ERAP1: variants seen among roughly 807,000 people sequenced by gnomAD.
ERAP1 encodes the protein adipocyte-derived leucine aminopeptidase.
A neutral mutation model predicts 103.7 loss-of-function variants in ERAP1; 86 were observed. The observed-to-expected ratio is 0.83, with a 90% CI of 0.70 to 0.99. ERAP1 has a LOEUF of 0.99. ERAP1 is among the 50% of genes least tolerant of loss of function. The pLI, the probability that ERAP1 is intolerant of heterozygous loss-of-function variation, is 0.00. For missense variants in ERAP1, 1,009 were observed against 1,128.4 expected (o/e 0.89, Z 1.52); for synonymous variants, 398 against 402.4 (o/e 0.99, Z 0.13).
the ERAP1 span, chr5:96,913,342 A>C: frequency 6.2e-7 from 1 of 1,614,050 alleles, no homozygotes; most frequent in Middle Eastern, 1.6e-4. Flanking sequence ...AATGGAAGGA[A>C]AGGTTATCAA....
chr5:96,903,441 C>T, the ERAP1 span: 5 of 1,614,004 alleles, frequency 3.1e-6, no homozygotes, highest in South Asian at 1.1e-5. Flanking sequence ...ATGGTTACTA[C>T]ATCGTTCACT....
chr5:96,908,909 A>T, the ERAP1 span: 40 of 1,529,418 alleles, frequency 2.6e-5, no homozygotes, highest in East Asian at 8.9e-4. Flanking sequence ...TGTTAAAAAT[A>T]TTAAAAACTA....
chr5:96,863,214 T>C, the ERAP1 span, among the ~76,000 whole-genome samples: 3 of 152,002 alleles, frequency 2.0e-5, no homozygotes, highest in Non-Finnish European at 4.4e-5. Context: ...ACCCAAGGCT[T>C]GTTCCCCAAT....
chr5:96,836,955 T>C, the ERAP1 span, among the ~76,000 whole-genome samples: 1 of 152,216 alleles, frequency 6.6e-6, no homozygotes, highest in Non-Finnish European at 1.5e-5. Context: ...GAAAATTAAA[T>C]TTTTATTTAT....
At chr5:96,806,980 TG>T (rs869161301) in intron 1 of ERAP1, among the ~76,000 whole-genome samples, 2 of 151,554 alleles carry the variant, frequency 1.3e-5, no homozygotes, top group Admixed American at 6.6e-5. Context: ...TGTTTTGTTT[TG>T]TTTTGTTGTT....
chr5:96,866,237 T>C, the ERAP1 span, among the ~76,000 whole-genome samples: 1 of 152,222 alleles, frequency 6.6e-6, no homozygotes, highest in African/African-American at 2.4e-5. Flanking sequence ...TCTGGTTCTC[T>C]TCCCCTTCCT....
the ERAP1 span, among the ~76,000 whole-genome samples, chr5:96,856,371 G>T: frequency 0.031 from 2,232 of 70,868 alleles, 52 homozygotes; most frequent in East Asian, 0.094. Flanking sequence ...TATATAGAGA[G>T]AGAGAGAGAG....
chr5:96,884,071 TATCTATCTATC>T, the ERAP1 span: 1 of 562,358 alleles, frequency 1.8e-6, no homozygotes, highest in Admixed American at 4.3e-5. Flanking sequence ...TCTATCTATC[TATCTATCTATC>T]ATCATAATTT....
chr5:96,859,852 A>G, the ERAP1 span, among the ~76,000 whole-genome samples: 1 of 152,200 alleles, frequency 6.6e-6, no homozygotes, highest in African/African-American at 2.4e-5. Context: ...AGTAAGGCCA[A>G]GCAGGCTATG....
At chr5:96,912,012 AC>A in the ERAP1 span, among the ~76,000 whole-genome samples, 1 of 150,832 alleles carries the variant, frequency 6.6e-6, no homozygotes, top group African/African-American at 2.4e-5. Context: ...ACACGGTGTA[AC>A]CCCGTCTCTA....
At chr5:96,798,581 CT>C (rs3076631) in intron 3 of ERAP1, among the ~76,000 whole-genome samples, 6 of 149,412 alleles carry the variant, frequency 4.0e-5, no homozygotes, top group East Asian at 3.9e-4. Flanking sequence ...CTGACCTCAT[CT>C]TTTTTTTTTG....
At chr5:96,872,428 A>G in the ERAP1 span, among the ~76,000 whole-genome samples, 2 of 151,980 alleles carry the variant, frequency 1.3e-5, no homozygotes, top group Non-Finnish European at 2.9e-5. Context: ...GTGAAAACCC[A>G]TATCTACAAA....
At chr5:96,910,649 T>C in the ERAP1 span, among the ~76,000 whole-genome samples, 1 of 152,216 alleles carries the variant, frequency 6.6e-6, no homozygotes, top group Non-Finnish European at 1.5e-5. Context: ...ACAGTAGATA[T>C]AAGTGTTCAA....
At chr5:96,827,612 C>A in the ERAP1 span, among the ~76,000 whole-genome samples, 1 of 152,144 alleles carries the variant, frequency 6.6e-6, no homozygotes, top group Non-Finnish European at 1.5e-5. Context: ...TTGCAGTGAG[C>A]CGAGATCACC....
chr5:96,767,481 A>C, intron 19 of ERAP1: 1 of 1,611,596 alleles, frequency 6.2e-7, no homozygotes, highest in East Asian at 2.2e-5. Flanking sequence ...GAGGATTCAA[A>C]GGTAAAGACC....
chr5:96,803,648 G>T lies in ERAP1; in HGVS notation c.279C>A (p.Ile93=). 1 of 1,614,234 alleles carries T rather than the reference G, an allele frequency of 6.2e-7. No individual in the cohort carries two copies. Among genetic ancestry groups the T allele is most frequent in the Non-Finnish European group, 8.5e-7 (1 of 1,180,040 alleles). Residue 93 remains isoleucine, a synonymous_variant, in exon 2 of 19, where the codon ATC becomes ATA. Coordinates refer to ENST00000443439, the MANE Select transcript of ERAP1 (RefSeq NM_001040458.3). The part of the protein sequence containing the change: ...EITASQPTST[I]ILHSHHLQIS... ...TCTGCAGGTGGTGACTATGCAGGAT[G>T]ATGGTGCTGGTGGGCTGACTGGCTG... is the stretch of plus-strand genomic sequence containing the variant.
the ERAP1 span, among the ~76,000 whole-genome samples, chr5:96,823,504 G>A: frequency 6.6e-6 from 1 of 152,160 alleles, no homozygotes; most frequent in African/African-American, 2.4e-5. Flanking sequence ...CCACACAGCA[G>A]GCAAAGTTGT....
upstream of ERAP1, among the ~76,000 whole-genome samples, chr5:96,808,431 C>T (rs554370549): frequency 2.6e-5 from 4 of 151,946 alleles, no homozygotes; most frequent in African/African-American, 9.7e-5. Flanking sequence ...GCTGGGTGTC[C>T]GTCATCTCGC....
At chr5:96,874,180 A>AAGAAAGAAAGAAAGAGAGAGAG in the ERAP1 span, among the ~76,000 whole-genome samples, 2 of 82,250 alleles carry the variant, frequency 2.4e-5, no homozygotes, top group African/African-American at 5.7e-5. Flanking sequence ...GAAAGAAAGA[A>AAGAAAGAAAGAAAGAGAGAGAG]AGAGAGAGAG....
Sources: allele counts gnomAD v4.1 joint callset (sites outside exome capture counted in the v4.1 genomes callset), GRCh38; gene constraint gnomAD v4.1.1; transcripts MANE v1.5; gene names NCBI Gene and HGNC (gene_info 2026-07-23, HGNC 2026-07-21).